Variants in TUFM observed in about 807,000 individuals in gnomAD.
TUFM encodes the protein Tu translation elongation factor, mitochondrial.
In TUFM, 23 loss-of-function variants were observed where a neutral mutation model predicts 45.0. The observed-to-expected ratio is 0.51, with a 90% confidence interval of 0.37 to 0.72. The LOEUF (loss-of-function observed/expected upper bound fraction) is 0.72, where lower values mean the gene tolerates loss of function less well. TUFM is among the 30% of genes least tolerant of loss of function. TUFM has a pLI of 0.00. For missense variants in TUFM, 490 were observed against 610.7 expected, an observed-to-expected ratio of 0.80 and a Z score of 2.08; for synonymous variants, 243 against 252.9, an observed-to-expected ratio of 0.96 and a Z score of 0.37.
rs1175781920 is a variant in TUFM, at chr16:28,845,495, GAA to G, written c.248-17_248-16del. 1 of 1,613,972 alleles carries G rather than the reference GAA, an allele frequency of 6.2e-7. No individual in the cohort carries two copies. Among genetic ancestry groups the G allele is most frequent in the Non-Finnish European group, 8.5e-7 (1 of 1,180,030 alleles). On this transcript the variant is annotated splice_polypyrimidine_tract_variant and intron_variant, in intron 2 of 9. Transcript: ENST00000313511. ...CTCAGCTAGAACTAAAGGAGGAAAA[GAA>G]CACACCTCTCAGCTAAAGTTCCAGT...
chr16:28,845,461 C>T lies in TUFM; in HGVS notation c.267G>A (p.Gly89=), dbSNP rs11542260. 26 of 1,614,032 alleles carry T rather than the reference C, an allele frequency of 1.6e-5. No individual in the cohort carries two copies. The highest frequency in any genetic ancestry group is 2.2e-5 in the East Asian group (1 of 44,886). Residue 89 remains glycine (G), a synonymous_variant, in exon 3 of 10, where the codon GGG becomes GGA. Coordinates refer to ENST00000313511, the MANE Select transcript of TUFM (RefSeq NM_003321.5). ...TCTCCTCGTACTTCTTGAACTTAGC[C>T]CCACCTCCCTCAGCTAGAACTAAAG... ...AITKILAEGG[G]AKFKKYEEID...
rs1820298933 is a variant in TUFM, at chr16:28,842,565, G to A, written c.*410C>T. On this transcript the variant is annotated 3_prime_UTR_variant, in exon 10 of 10. Coordinates refer to ENST00000313511, the MANE Select transcript of TUFM (RefSeq NM_003321.5). ...AGATGGGTTTGGCACCTGAGCTGAA[G>A]CCATGCTGGCTCCAGAGCGATAGAA... is the stretch of plus-strand genomic sequence containing the variant. 1 of 287,242 alleles carries A rather than the reference G, an allele frequency of 3.5e-6. No individual in the cohort carries two copies. The highest frequency in any genetic ancestry group is 6.8e-6 in the Non-Finnish European group (1 of 146,342). The allele number at this position is 287,242 out of a possible 1,614,324, so 17.8% of individuals were successfully genotyped here.
chr16:28,842,955 C>T lies in TUFM; in HGVS notation c.*20G>A, dbSNP rs770524897. 4 of 1,613,696 alleles carry T rather than the reference C, an allele frequency of 2.5e-6. No homozygotes were observed. In the South Asian group the frequency reaches 3.3e-5, roughly 13 times the overall value. On this transcript the variant is annotated 3_prime_UTR_variant, in exon 10 of 10. Transcript: ENST00000313511. ...GGGCAGGCCTTAAACGCAAGGGAAGCTGAGCAGAGATCTGCACACTCAACC... is the reference window on the plus strand; with the variant it reads ...GGGCAGGCCTTAAACGCAAGGGAAGTTGAGCAGAGATCTGCACACTCAACC...
intron 3 of TUFM, 90 bp downstream of exon 3, chr16:28,845,224 G>A: frequency 1.2e-6 from 2 of 1,605,160 alleles, no homozygotes; most frequent in South Asian, 1.1e-5. Flanking sequence ...CCCAAACACT[G>A]AATATCTTAA....
Position 28,844,194 on chromosome 16 carries a change from C to T in TUFM, c.922+36G>A, listed in dbSNP as rs776264760. The T allele has an allele frequency of 8.7e-6, 14 of 1,613,156 alleles. No homozygotes were observed. The highest frequency in any genetic ancestry group is 1.3e-5 in the African/African-American group (1 of 74,922). ...GATCTGCCGGGGTAAGGCCACCCTTCAGCCAGGCCCTGCTCTCCAGACTGG... is the reference window on the plus strand; with the variant it reads ...GATCTGCCGGGGTAAGGCCACCCTTTAGCCAGGCCCTGCTCTCCAGACTGG... On this transcript the variant is annotated intron_variant, in intron 7 of 9. Transcript: ENST00000313511. This position sits in a 1 kb window ranked among gnomAD's most constrained non-coding sequence, Gnocchi z 5.8.
In TUFM at chr16:28,845,430, T is replaced by C; in HGVS notation, c.298A>G (p.Asn100Asp). 1 of 1,614,134 alleles carries C rather than the reference T, an allele frequency of 6.2e-7. No homozygotes were observed. The highest frequency in any genetic ancestry group is 8.5e-7 in the Non-Finnish European group (1 of 1,180,016). Reference protein sequence around the residue: ...AKFKKYEEIDNAPEERARGIT... With the variant: ...AKFKKYEEIDDAPEERARGIT... ...CCCCGAGCTCGCTCCTCCGGGGCATTGTCAATCTCCTCGTACTTCTTGAAC... is the reference window on the plus strand; with the variant it reads ...CCCCGAGCTCGCTCCTCCGGGGCATCGTCAATCTCCTCGTACTTCTTGAAC... The change falls in exon 3 of 10, where the codon AAT (asparagine) becomes GAT (aspartate). Residue 100 changes from asparagine to aspartate, a missense_variant. Asn to Asp is a conservative substitution (Grantham distance 23, BLOSUM62 1). Coordinates refer to ENST00000313511, the MANE Select transcript of TUFM (RefSeq NM_003321.5).
rs1339000349 is a variant in TUFM at position 28,844,860 on chromosome 16, A to G, written c.522T>C (p.Ile174=). The change falls in exon 5 of 10, where the codon ATT becomes ATC. Residue 174 remains isoleucine (I), a splice_region_variant and synonymous_variant. Transcript: ENST00000313511. The surrounding 1 kb of genome is among the most constrained non-coding windows in gnomAD (Gnocchi z 5.8). ...TREHLLLARQ[I]GVEHVVVYVN... ...CATACACCACCACATGCTCCACCCC[A>G]ATCTGTAGATGCCAGAGAGACAGGG... is the stretch of plus-strand genomic sequence containing the variant. 1 of 1,614,074 alleles carries G rather than the reference A, an allele frequency of 6.2e-7. No homozygotes were observed. Among genetic ancestry groups the G allele is most frequent in the Non-Finnish European group, 8.5e-7 (1 of 1,180,008 alleles).
Position 28,844,140 on chromosome 16 carries a change from C to T in TUFM, c.923-39G>A, listed in dbSNP as rs374255934. The T allele has an allele frequency of 3.2e-5, 52 of 1,613,900 alleles. No homozygotes were observed. In the Admixed American group the frequency reaches 3.5e-4, roughly 11 times the overall value. On this transcript the variant is annotated intron_variant, in intron 7 of 9. Coordinates refer to ENST00000313511, the MANE Select transcript of TUFM (RefSeq NM_003321.5). The surrounding 1 kb of genome is among the most constrained non-coding windows in gnomAD (Gnocchi z 5.8). ...GGAAAAGGAGCAGGGAGAAGGAAGG[C>T]GAATGTGAGACAGAGGGAAGGCACA... is the stretch of plus-strand genomic sequence containing the variant.
chr16:28,843,240 G>C (rs1293256187), intron 9 of TUFM, 92 bp from the exon 10 acceptor site: 20 of 1,358,658 alleles, frequency 1.5e-5, no homozygotes, highest in Non-Finnish European at 1.9e-5. Flanking sequence ...AGAGTCATGG[G>C]AGAATGCAGC....
Position 28,843,727 on chromosome 16 carries a change from C to T in TUFM, c.1194+9G>A. ...CCCCTCCACCCTACATTCCTCCCAC[C>T]CACCGTACCTTCTCTGGGGGCAGGA... On this transcript the variant is annotated intron_variant, in intron 9 of 9. Transcript: ENST00000313511. The T allele has an allele frequency of 1.2e-6, 2 of 1,612,514 alleles. No homozygotes were observed. Among genetic ancestry groups the T allele is most frequent in the South Asian group, 1.1e-5 (1 of 90,996 alleles).
chr16:28,843,201 T>G, intron 9 of TUFM, 53 bp from the exon 10 acceptor site: 1 of 1,602,294 alleles, frequency 6.2e-7, no homozygotes, highest in East Asian at 2.2e-5. Context: ...CTTCATTCCT[T>G]AAGTCTTTTT....
chr16:28,844,925 T>G lies in TUFM; in HGVS notation c.519+26A>C, dbSNP rs1281853592. The G allele has an allele frequency of 6.2e-7, 1 of 1,614,134 alleles. No homozygotes were observed. The highest frequency in any genetic ancestry group is 1.6e-4 in the Middle Eastern group (1 of 6,062). ...GGCCCAACTCCCCACTCTTCCCTTT[T>G]GCATCCTTACCCAGGCTCTGAGTAC... On this transcript the variant is annotated intron_variant, in intron 4 of 9. Transcript: ENST00000313511. The surrounding 1 kb of genome is among the most constrained non-coding windows in gnomAD (Gnocchi z 5.8).
intron 2 of TUFM, 70 bp from the exon 3 acceptor site, chr16:28,845,550 C>T: frequency 6.3e-7 from 1 of 1,577,240 alleles, no homozygotes. Flanking sequence ...GACCACGCCC[C>T]TGAACCCTCC....
In TUFM at chr16:28,842,741, C is replaced by T. The variant is rs1961833738; in HGVS notation, c.*234G>A. The T allele has an allele frequency of 6.9e-6, 4 of 576,050 alleles. No homozygotes were observed. Among genetic ancestry groups the T allele is most frequent in the African/African-American group, 1.9e-5 (1 of 53,306 alleles). 35.7% of individuals were successfully genotyped at this position (576,050 alleles called of 1,614,324 possible). ...GTCTGGGGTTCAACACCCTTTTTGT[C>T]CTCCCCTATCCTCTCCAATTTGCAC... On this transcript the variant is annotated 3_prime_UTR_variant, in exon 10 of 10. Transcript: ENST00000313511.
Position 28,845,477 on chromosome 16 carries a change from A to G in TUFM, c.251T>C (p.Leu84Pro), listed in dbSNP as rs1233131905. 3 of 1,614,148 alleles carry G rather than the reference A, an allele frequency of 1.9e-6. No individual in the cohort carries two copies. The highest frequency in any genetic ancestry group is 2.5e-6 in the Non-Finnish European group (3 of 1,180,016). The change falls in exon 3 of 10, where the codon CTA becomes CCA. Residue 84 changes from leucine (L) to proline (P), a missense_variant. Physicochemically the swap from Leu to Pro is moderately conservative, Grantham distance 98. Transcript: ENST00000313511. ...TTLTAAITKI[L>P]AEGGGAKFKK... ...GAACTTAGCCCCACCTCCCTCAGCT[A>G]GAACTAAAGGAGGAAAAGAACACAC...
chr16:28,843,835 C>T lies in TUFM; in HGVS notation c.1095G>A (p.Glu365=). Residue 365 remains glutamate (E), a synonymous_variant, in exon 9 of 10, where the codon GAG becomes GAA. Coordinates refer to ENST00000313511, the MANE Select transcript of TUFM (RefSeq NM_003321.5). Reference sequence around the variant, plus strand: ...CAAAGGGCTTGTGGCGGCCACCTTCCTCCTTGCTGAGGATGTAAACCTGGA... The same window carrying T: ...CAAAGGGCTTGTGGCGGCCACCTTCTTCCTTGCTGAGGATGTAAACCTGGA... ...VEAQVYILSK[E]EGGRHKPFVS... is the part of the protein sequence containing the mutation. The T allele has an allele frequency of 6.2e-7, 1 of 1,614,192 alleles. No homozygotes were observed. The highest frequency in any genetic ancestry group is 1.1e-5 in the South Asian group (1 of 91,092).
rs1365240279 is a variant in TUFM at position 28,846,328 on chromosome 16, G to A, written c.-59C>T. 14 of 1,522,106 alleles carry A rather than the reference G, an allele frequency of 9.2e-6. No homozygotes were observed. Among genetic ancestry groups the A allele is most frequent in the South Asian group, 3.6e-5 (3 of 83,064 alleles). 94.3% of individuals were successfully genotyped at this position (1,522,106 alleles called of 1,614,324 possible). A position where few individuals can be genotyped will look rare whatever the true frequency, so the allele number is the denominator to read the frequency against. On this transcript the variant is annotated 5_prime_UTR_variant, in exon 1 of 10. Coordinates refer to ENST00000313511, the MANE Select transcript of TUFM (RefSeq NM_003321.5). The stretch of plus-strand genomic sequence containing the variant: ...GGAGCCCGAGCGCACAGAAGAAGAA[G>A]GGCGCCTGCGGCTGGAAGGCACTTC...
At position 28,844,309 on chromosome 16, in the gene TUFM, T is replaced by C. The variant is rs1241732734; in HGVS notation, c.843A>G (p.Thr281=). The C allele has an allele frequency of 6.2e-7, 1 of 1,614,046 alleles. No individual in the cohort carries two copies. The highest frequency in any genetic ancestry group is 1.3e-5 in the African/African-American group (1 of 74,920). ...VPGRGTVVTG[T]LERGILKKGD... is the part of the protein sequence containing the mutation. ...CCTTCTTTAAAATGCCACGCTCTAGTGTACCTGTCACCACGGTGCCACGGC... is the reference window on the plus strand; with the variant it reads ...CCTTCTTTAAAATGCCACGCTCTAGCGTACCTGTCACCACGGTGCCACGGC... Residue 281 remains threonine (T), a synonymous_variant, in exon 7 of 10, where the codon ACA becomes ACG. Coordinates refer to ENST00000313511, the MANE Select transcript of TUFM (RefSeq NM_003321.5). The surrounding 1 kb of genome is among the most constrained non-coding windows in gnomAD (Gnocchi z 5.8).
At position 28,843,773 on chromosome 16, in the gene TUFM, C is replaced by T; in HGVS notation, c.1157G>A (p.Trp386Ter). The change falls in exon 9 of 10, where the codon TGG becomes TAG. Residue 386 changes from tryptophan to a stop codon, truncating the protein, a stop_gained. Coordinates refer to ENST00000313511, the MANE Select transcript of TUFM (RefSeq NM_003321.5). LOFTEE classifies it high-confidence loss of function. ...CAGGATAATCCGACAGGCCATGTCC[C>T]AAGTCAGGGAGAACATGACAGGCAT... Reference protein sequence around the residue: ...HFMPVMFSLTWDMACRIILPP... With the variant: ...HFMPVMFSLT 1 of 1,613,724 alleles carries T rather than the reference C, an allele frequency of 6.2e-7. No homozygotes were observed. Among genetic ancestry groups the T allele is most frequent in the Non-Finnish European group, 8.5e-7 (1 of 1,180,000 alleles).
Sources: gnomAD v4.1 joint callset for allele counts on GRCh38, gnomAD v4.1.1 for gene constraint, Gnocchi (gnomAD v3.1) non-coding constraint, MANE v1.5 for transcripts, NCBI Gene and HGNC (gene_info 2026-07-23, HGNC 2026-07-21) for gene names.